The following FH variants were observed in gnomAD, a reference collection of about 807,000 sequenced individuals.
FH encodes fumarate hydratase, mitochondrial.
Under a neutral mutation model 49.4 loss-of-function variants are expected in FH, and 22 were observed. The ratio of observed to expected loss-of-function variants is 0.45; its 90% CI spans 0.32 to 0.64. The LOEUF is 0.64. Ranked by LOEUF, FH falls within the 30% of genes least tolerant of loss-of-function variation. The pLI is 0.05. For missense variants in FH, 526 were observed against 641.5 expected (o/e 0.82, Z 1.95); for synonymous variants, 208 against 223.0 (o/e 0.93, Z 0.60).
chr1:241,505,746 A>T (rs555379810), intron 6 of FH, among the ~76,000 whole-genome samples: 3 of 152,362 alleles, frequency 2.0e-5, no homozygotes, highest in Admixed American at 6.5e-5. Flanking sequence ...AGGGAAATTA[A>T]TTGAAAACTA....
At chr1:241,512,781 A>T (rs572191425) in intron 3 of FH, among the ~76,000 whole-genome samples, 1 of 152,328 alleles carries the variant, frequency 6.6e-6, no homozygotes, top group Non-Finnish European at 1.5e-5. Context: ...TTCTGGTTAT[A>T]TAAAAATATG....
intron 7 of FH, among the ~76,000 whole-genome samples, chr1:241,503,801 C>G (rs910401998): frequency 2.2e-4 from 33 of 152,240 alleles, no homozygotes; most frequent in African/African-American, 8.0e-4. Flanking sequence ...CTTTAACAGC[C>G]TGCTCTACAT....
rs201671478 is a variant in FH at position 241,497,817 on chromosome 1, A to G, written c.*11T>C. On this transcript the variant is annotated 3_prime_UTR_variant, in exon 10 of 10. Coordinates refer to ENST00000366560, the MANE Select transcript of FH (RefSeq NM_000143.4). ...TTATACATGTTTATTTTCATTATAA[A>G]TTTATGTAAATCACTTTGGACCCAG... 5.5e-5 allele frequency: 86 copies of G among 1,574,502 alleles called. No homozygotes were observed. Among genetic ancestry groups the G allele is most frequent in the Non-Finnish European group, 7.3e-5 (85 of 1,159,110 alleles).
chr1:241,519,293 C>G, intron 1 of FH: 1 of 358,988 alleles, frequency 2.8e-6, no homozygotes, highest in South Asian at 3.9e-5. Flanking sequence ...CAAAACGCCC[C>G]GGCCTCGGCC....
intron 9 of FH, among the ~76,000 whole-genome samples, chr1:241,498,694 C>CATATATGTATAT: frequency 1.9e-5 from 1 of 53,178 alleles, no homozygotes; most frequent in Middle Eastern, 9.8e-3. Flanking sequence ...GCTGTCTTAA[C>CATATATGTATAT]ATATATATAT....
In FH at chr1:241,509,071, T is replaced by C. The variant is rs141060850; in HGVS notation, c.556-286A>G. Among the ~76,000 whole-genome samples the C allele has an allele frequency of 2.2e-3, 323 of 148,898 alleles. 2 individuals are homozygous for C. Among genetic ancestry groups the C allele is most frequent in the Middle Eastern group, 0.011 (3 of 280 alleles). On this transcript the variant is annotated intron_variant, in intron 4 of 9. Coordinates refer to ENST00000366560, the MANE Select transcript of FH (RefSeq NM_000143.4). Reference sequence around the variant, plus strand: ...ATATTATATTATGTATTATATAATATATTATGTATTATATTATGTATTACG... The same window carrying C: ...ATATTATATTATGTATTATATAATACATTATGTATTATATTATGTATTACG...
At chr1:241,512,262 CCA>C (rs1249972545) in intron 3 of FH, 119 bp from the exon 4 acceptor site, 1 of 787,344 alleles carries the variant, frequency 1.3e-6, no homozygotes, top group African/African-American at 1.7e-5. Flanking sequence ...CTTGCTCCAA[CCA>C]CAGATACTTT....
intron 3 of FH, 37 bp from the exon 4 acceptor site, chr1:241,512,180 G>C: frequency 1.3e-6 from 2 of 1,572,066 alleles, no homozygotes; most frequent in East Asian, 2.2e-5. Context: ...TTTAAAAAAG[G>C]AAATAATAAT....
intron 7 of FH, among the ~76,000 whole-genome samples, chr1:241,503,338 G>A (rs906726569): frequency 1.2e-4 from 18 of 152,090 alleles, no homozygotes; most frequent in Admixed American, 1.2e-3. Flanking sequence ...CTAGAGTCAG[G>A]CCTTTCTCAC....
In FH at chr1:241,502,553, G is replaced by A. The variant is rs398123160; in HGVS notation, c.1126C>T (p.Gln376Ter). The A allele has an allele frequency of 6.2e-7, 1 of 1,614,106 alleles. No individual in the cohort carries two copies. Among genetic ancestry groups the A allele is most frequent in the Non-Finnish European group, 8.5e-7 (1 of 1,179,986 alleles). ...GCAACCATGGTCATTGCTTCACACT[G>A]AGTAGGGTTCACCTTGCCTTCAAGA... is the stretch of plus-strand genomic sequence containing the variant. ...SIMPGKVNPT[Q>*]CEAMTMVAAQ... is the part of the protein sequence containing the mutation. The change falls in exon 8 of 10, where the codon CAG becomes TAG. Residue 376 changes from glutamine to a stop codon, truncating the protein, a stop_gained. Coordinates refer to ENST00000366560, the MANE Select transcript of FH (RefSeq NM_000143.4). LOFTEE classifies it high-confidence loss of function.
intron 5 of FH, among the ~76,000 whole-genome samples, chr1:241,508,271 C>T (rs1425097415): frequency 1.3e-5 from 2 of 152,112 alleles, no homozygotes; most frequent in African/African-American, 4.8e-5. Flanking sequence ...CACAACTATC[C>T]TATGAAAGGG....
Position 241,497,931 on chromosome 1 carries a change from T to C in FH, c.1430A>G (p.Lys477Arg), listed in dbSNP as rs761934894. The change falls in exon 10 of 10, where the codon AAA becomes AGA. Residue 477 changes from lysine (K) to arginine (R), a missense_variant. Lys to Arg is a conservative substitution (Grantham distance 26, BLOSUM62 2). Around this residue, in one of 2 missense-constraint regions of FH, gnomAD observed 383 missense variants for 514.0 expected, o/e 0.75. Coordinates refer to ENST00000366560, the MANE Select transcript of FH (RefSeq NM_000143.4). Reference sequence around the variant, plus strand: ...AGTTTCCTTTAAGGTTGATCCATTTTTGTGTGCTGTCTTAGCAATCTTTGC... The same window carrying C: ...AGTTTCCTTTAAGGTTGATCCATTTCTGTGTGCTGTCTTAGCAATCTTTGC... Reference protein sequence around the residue: ...KAAKIAKTAHKNGSTLKETAI... With the variant: ...KAAKIAKTAHRNGSTLKETAI... 1.2e-6 allele frequency: 2 copies of C among 1,614,060 alleles called. No individual in the cohort carries two copies. Among genetic ancestry groups the C allele is most frequent in the South Asian group, 2.2e-5 (2 of 91,080 alleles).
In FH at chr1:241,513,606, A is replaced by C; in HGVS notation, c.375T>G (p.Asp125Glu). 6.2e-7 allele frequency: 1 copy of C among 1,612,194 alleles called. No homozygotes were observed. The highest frequency in any genetic ancestry group is 2.2e-5 in the East Asian group (1 of 44,862). Residue 125 changes from aspartate (D) to glutamate (E), a missense_variant, in exon 3 of 10, where the codon GAT becomes GAG. Asp to Glu is a conservative substitution (Grantham distance 45). Transcript: ENST00000366560. ...KIANAIMKAA[D>E]EVAEGKLNDH... ...AAACACACTTATCACCTCCTACCTC[A>C]TCTGCTGCCTTCATTATTGCATTAG... is the stretch of plus-strand genomic sequence containing the variant.
chr1:241,501,590 T>C (rs1659781294), intron 8 of FH, among the ~76,000 whole-genome samples: 1 of 152,202 alleles, frequency 6.6e-6, no homozygotes, highest in Non-Finnish European at 1.5e-5. Context: ...CAGTGCCTGA[T>C]AGAAAATGGT....
chr1:241,499,201 A>G (rs1659705550), intron 9 of FH, among the ~76,000 whole-genome samples: 1 of 152,182 alleles, frequency 6.6e-6, no homozygotes, highest in African/African-American at 2.4e-5. Flanking sequence ...CATGATTCAG[A>G]GGGTTGTAAG....
intron 2 of FH, among the ~76,000 whole-genome samples, chr1:241,514,228 G>T (rs1660163103): frequency 1.3e-5 from 2 of 152,086 alleles, no homozygotes; most frequent in South Asian, 4.1e-4. Flanking sequence ...GTGACTGACT[G>T]GGTTATCATT....
intron 2 of FH, among the ~76,000 whole-genome samples, chr1:241,515,735 C>T (rs757837841): frequency 1.3e-5 from 2 of 152,168 alleles, no homozygotes; most frequent in African/African-American, 2.4e-5. Context: ...TTTCATACTC[C>T]GGTTGGGCTC....
At chr1:241,502,742 A>T (rs1287731238) in intron 7 of FH, among the ~76,000 whole-genome samples, 172 bp from the exon 8 acceptor site, 1 of 152,256 alleles carries the variant, frequency 6.6e-6, no homozygotes, top group African/African-American at 2.4e-5. Flanking sequence ...GGTAGCCACA[A>T]AATGAATCAT....
chr1:241,498,086 AT>A (rs1278136982), intron 9 of FH, 116 bp from the exon 10 acceptor site: 1 of 985,414 alleles, frequency 1.0e-6, no homozygotes, highest in Non-Finnish European at 1.6e-6. Context: ...CTTAAATGAC[AT>A]TTTTTGTTTT....
Sources: allele counts gnomAD v4.1 joint callset (sites outside exome capture counted in the v4.1 genomes callset), GRCh38; gene constraint gnomAD v4.1.1; regional missense constraint gnomAD v4.1.1; transcripts MANE v1.5; gene names NCBI Gene and HGNC (gene_info 2026-07-23, HGNC 2026-07-21).